The following NBAS variants were observed in gnomAD, a reference collection of about 807,000 sequenced individuals.
NBAS encodes the protein NAG/BC035112 fusion.
Under a neutral mutation model 302.5 loss-of-function variants are expected in NBAS, and 219 were observed. That is an observed-to-expected ratio of 0.72 (90% CI 0.65 to 0.81). The LOEUF (loss-of-function observed/expected upper bound fraction) is 0.81, where lower values mean the gene tolerates loss of function less well. NBAS is among the 30% of genes least tolerant of loss of function. NBAS has a pLI of 0.00. For synonymous variants in NBAS, 1,118 were observed against 1,021.6 expected (o/e 1.09, Z -1.80); for missense variants, 2,932 against 2,841.6 (o/e 1.03, Z -0.72).
chr2:15,309,382 C>A (rs1250331354), intron 38 of NBAS, 135 bp from the exon 39 acceptor site: 2 of 687,544 alleles, frequency 2.9e-6, no homozygotes, highest in Admixed American at 2.2e-5. Context: ...GGCTGTTCAG[C>A]ACCATCTAAA....
At chr2:15,037,464 C>A in the NBAS span, among the ~76,000 whole-genome samples, 1 of 152,306 alleles carries the variant, frequency 6.6e-6, no homozygotes, top group South Asian at 2.1e-4. Flanking sequence ...CTCAGAGCAC[C>A]CCACAGTGTA....
chr2:14,841,190 A>G, the NBAS span, among the ~76,000 whole-genome samples: 1 of 151,862 alleles, frequency 6.6e-6, no homozygotes. Flanking sequence ...CGTATCATGG[A>G]TTTACTAAAA....
At chr2:15,330,346 C>T (rs1348563269) in intron 36 of NBAS, among the ~76,000 whole-genome samples, 1 of 152,132 alleles carries the variant, frequency 6.6e-6, no homozygotes, top group Non-Finnish European at 1.5e-5. Flanking sequence ...TTCTTTTCAT[C>T]ACACTAAATT....
At chr2:15,439,815 T>A (rs150967441) in intron 21 of NBAS, among the ~76,000 whole-genome samples, 1,936 of 152,292 alleles carry the variant, frequency 0.013, 32 homozygotes, top group East Asian at 0.06. Context: ...ATACTGCGCT[T>A]TTCCAACAGG....
intron 44 of NBAS, among the ~76,000 whole-genome samples, chr2:15,260,562 G>A (rs1333634625): frequency 1.3e-5 from 2 of 152,182 alleles, no homozygotes; most frequent in Non-Finnish European, 1.5e-5. Flanking sequence ...TGAAACAAAG[G>A]TACAGTGAGG....
chr2:15,505,478 A>C (rs975047756), intron 10 of NBAS, among the ~76,000 whole-genome samples: 1 of 152,136 alleles, frequency 6.6e-6, no homozygotes, highest in Non-Finnish European at 1.5e-5. Context: ...GGGGTGGTAA[A>C]GGGGAAAGGA....
chr2:15,224,568 T>C (rs1572479804), intron 47 of NBAS, among the ~76,000 whole-genome samples: 1 of 152,266 alleles, frequency 6.6e-6, no homozygotes, highest in East Asian at 1.9e-4. Flanking sequence ...AATTAAGGAA[T>C]TTCACCAACA....
At chr2:15,026,055 A>G in the NBAS span, among the ~76,000 whole-genome samples, 1 of 152,178 alleles carries the variant, frequency 6.6e-6, no homozygotes, top group Admixed American at 6.5e-5. Flanking sequence ...TTTCAGTATG[A>G]TGCTGGCTGT....
chr2:14,815,894 T>C, the NBAS span, among the ~76,000 whole-genome samples: 1 of 152,208 alleles, frequency 6.6e-6, no homozygotes, highest in East Asian at 1.9e-4. Context: ...CTGCTAAATT[T>C]GTCACACACC....
downstream of NBAS, among the ~76,000 whole-genome samples, chr2:15,163,003 C>T (rs531830158): frequency 7.2e-5 from 11 of 152,284 alleles, no homozygotes; most frequent in African/African-American, 1.2e-4. Flanking sequence ...ACCCAGTTCT[C>T]AAGGTGAGGG....
At chr2:15,076,286 T>C in the NBAS span, among the ~76,000 whole-genome samples, 6 of 152,214 alleles carry the variant, frequency 3.9e-5, no homozygotes, top group Non-Finnish European at 8.8e-5. Context: ...ATATCTAACA[T>C]ATCCACAACA....
chr2:15,212,672 G>C (rs1666468799), intron 48 of NBAS, among the ~76,000 whole-genome samples: 1 of 152,130 alleles, frequency 6.6e-6, no homozygotes, highest in African/African-American at 2.4e-5. Context: ...GGTAACTGAA[G>C]CATGGGGGGA....
At chr2:14,795,713 G>A in the NBAS span, among the ~76,000 whole-genome samples, 2 of 152,256 alleles carry the variant, frequency 1.3e-5, no homozygotes, top group South Asian at 4.1e-4. Flanking sequence ...TAAGTGTGGT[G>A]GACAGAGGAG....
At chr2:15,029,546 G>C in the NBAS span, among the ~76,000 whole-genome samples, 1 of 152,174 alleles carries the variant, frequency 6.6e-6, no homozygotes, top group African/African-American at 2.4e-5. Context: ...AAAGGAATCG[G>C]AAGAAACCCA....
the NBAS span, among the ~76,000 whole-genome samples, chr2:15,066,184 G>GA: frequency 6.6e-6 from 1 of 151,984 alleles, no homozygotes; most frequent in East Asian, 1.9e-4. Flanking sequence ...CCTACATGCA[G>GA]AAAAAAATGA....
At chr2:15,479,346 A>C (rs936314524) in intron 12 of NBAS, among the ~76,000 whole-genome samples, 4 of 152,238 alleles carry the variant, frequency 2.6e-5, no homozygotes, top group African/African-American at 9.6e-5. Flanking sequence ...CATATTATTG[A>C]AAACAGTCAA....
At chr2:14,869,077 C>T in the NBAS span, among the ~76,000 whole-genome samples, 203 of 152,262 alleles carry the variant, frequency 1.3e-3, 1 homozygote, top group East Asian at 0.027. Context: ...TTTTGTGGTC[C>T]TCGCAGCTAA....
chr2:15,232,432 C>CTG lies in NBAS; in HGVS notation c.6225_6226insCA (p.Val2076GlnfsTer45), dbSNP rs1487020279. 2 of 1,614,024 alleles carry CTG rather than the reference C, an allele frequency of 1.2e-6. No homozygotes were observed. The highest frequency in any genetic ancestry group is 1.7e-6 in the Non-Finnish European group (2 of 1,180,006). On this transcript the variant is annotated frameshift_variant, in exon 47 of 52. Coordinates refer to ENST00000281513, the MANE Select transcript of NBAS (RefSeq NM_015909.4). LOFTEE classifies it high-confidence loss of function. ...CTGTTCTAGTCTTACCCCTTGTCCA[C>CTG]ACTGGCGTGGACTGCTGCAACAACA...
chr2:15,127,589 C>G, the NBAS span, among the ~76,000 whole-genome samples: 1 of 152,312 alleles, frequency 6.6e-6, no homozygotes, highest in Non-Finnish European at 1.5e-5. Flanking sequence ...AAGGATTCCT[C>G]GATATTAAGG....
Sources: gnomAD v4.1 joint callset for allele counts (sites outside exome capture counted in the v4.1 genomes callset) on GRCh38, gnomAD v4.1.1 for gene constraint, MANE v1.5 for transcripts, NCBI Gene and HGNC (gene_info 2026-07-23, HGNC 2026-07-21) for gene names.